The following ABCB5 variants were observed in gnomAD, a reference collection of about 807,000 sequenced individuals.
The protein encoded by ABCB5 is ATP binding cassette subfamily B member 5.
In ABCB5, 155 loss-of-function variants were observed where a neutral mutation model predicts 144.2. The observed-to-expected ratio is 1.08, with a 90% CI of 0.94 to 1.23. The LOEUF is 1.23. Ranked by LOEUF, ABCB5 falls within the 50% of genes most tolerant of loss-of-function variation. The pLI is 0.00. For synonymous variants in ABCB5, 610 were observed against 528.6 expected (o/e 1.15, Z -2.11); for missense variants, 1,830 against 1,520.8 (o/e 1.20, Z -3.38).
intron 19 of ABCB5, 86 bp from the exon 20 acceptor site, chr7:20,704,638 T>A (rs1317335777): frequency 1.4e-5 from 14 of 993,780 alleles, no homozygotes; most frequent in Non-Finnish European, 2.1e-5. Flanking sequence ...GGCAGGTAAA[T>A]GTTTTCTGAT....
intron 26 of ABCB5, among the ~76,000 whole-genome samples, chr7:20,750,969 G>A (rs962974518): frequency 6.6e-6 from 1 of 152,096 alleles, no homozygotes; most frequent in African/African-American, 2.4e-5. Flanking sequence ...GTATCACCCA[G>A]TGGCAGCTCT....
Position 20,658,496 on chromosome 7 carries a change from T to C in ABCB5, c.1537-10T>C, listed in dbSNP as rs781041034. 6.8e-6 allele frequency: 11 copies of C among 1,611,256 alleles called. No individual in the cohort carries two copies. Among genetic ancestry groups the C allele is most frequent in the Non-Finnish European group, 9.3e-6 (11 of 1,178,682 alleles). On this transcript the variant is annotated splice_polypyrimidine_tract_variant and intron_variant, in intron 13 of 27. Transcript: ENST00000404938. ...TTCTGTTTCTGTGCTTCTTTCCTAT[T>C]TTTCATTAGAAATTTAATACATTGG...
chr7:20,734,968 G>A (rs1782339321), intron 23 of ABCB5, among the ~76,000 whole-genome samples: 1 of 152,152 alleles, frequency 6.6e-6, no homozygotes, highest in South Asian at 2.1e-4. Flanking sequence ...CTTTCGGCTG[G>A]TTTCCAGCTG....
At chr7:20,747,042 C>G (rs766950857) in intron 26 of ABCB5, among the ~76,000 whole-genome samples, 8 of 152,160 alleles carry the variant, frequency 5.3e-5, no homozygotes, top group Non-Finnish European at 1.0e-4. Context: ...CATGTACAAA[C>G]AGGATTTCCC....
chr7:20,657,291 G>C (rs1016588675), intron 13 of ABCB5, among the ~76,000 whole-genome samples: 1 of 151,414 alleles, frequency 6.6e-6, no homozygotes, highest in Non-Finnish European at 1.5e-5. Context: ...TAATTTTTTA[G>C]CAATATTGCA....
At chr7:20,738,847 TG>T in intron 23 of ABCB5, 135 bp from the exon 24 acceptor site, 1 of 882,150 alleles carries the variant, frequency 1.1e-6, no homozygotes, top group Non-Finnish European at 1.6e-6. Context: ...GATAACTTGG[TG>T]GGTCTTCAGC....
chr7:20,645,772 C>G lies in ABCB5; in HGVS notation c.695C>G (p.Thr232Ser), dbSNP rs1784389833. Residue 232 changes from threonine (T) to serine (S), a missense_variant, in exon 8 of 28, where the codon ACC becomes AGC. By Grantham distance (58) the Thr-to-Ser change is moderately conservative. Coordinates refer to ENST00000404938, the MANE Select transcript of ABCB5 (RefSeq NM_001163941.2). ...AACSRMVISL[T>S]SKELSAYSKA... ...TTATTACAGATGGTCATCTCATTGA[C>G]CAGTAAGGAATTAAGTGCCTATTCC... 1 of 1,613,724 alleles carries G rather than the reference C, an allele frequency of 6.2e-7. No homozygotes were observed. The highest frequency in any genetic ancestry group is 1.1e-5 in the South Asian group (1 of 91,066).
chr7:20,723,704 T>C (rs1334999404), intron 21 of ABCB5, among the ~76,000 whole-genome samples: 2 of 152,358 alleles, frequency 1.3e-5, no homozygotes, highest in African/African-American at 4.8e-5. Flanking sequence ...AACATCATCA[T>C]TCCCCATTTT....
intron 21 of ABCB5, among the ~76,000 whole-genome samples, chr7:20,723,969 G>T (rs1206662108): frequency 6.6e-6 from 1 of 152,082 alleles, no homozygotes; most frequent in African/African-American, 2.4e-5. Context: ...GAGACTGAAG[G>T]AAACATTATG....
intron 5 of ABCB5, chr7:20,641,629 C>T (rs1307950225): frequency 6.5e-6 from 1 of 153,622 alleles, no homozygotes; most frequent in Admixed American, 6.5e-5. Flanking sequence ...GAGACTGTGA[C>T]TGATTAGATC....
chr7:20,629,145 C>CGTGTGTGTGTGTGTGT (rs149986314), intron 4 of ABCB5, among the ~76,000 whole-genome samples: 1,839 of 135,116 alleles, frequency 0.014, 56 homozygotes, highest in South Asian at 0.033. Flanking sequence ...AGAGAGACTG[C>CGTGTGTGTGTGTGTGT]GTGTGTGTGT....
chr7:20,701,037 G>A (rs1189568100), intron 19 of ABCB5, among the ~76,000 whole-genome samples: 1 of 152,130 alleles, frequency 6.6e-6, no homozygotes, highest in Admixed American at 6.5e-5. Flanking sequence ...GAAGCAAGTC[G>A]GAGGTTTCCC....
At chr7:20,751,066 G>A (rs1782911004) in intron 26 of ABCB5, among the ~76,000 whole-genome samples, 1 of 152,142 alleles carries the variant, frequency 6.6e-6, no homozygotes, top group African/African-American at 2.4e-5. Flanking sequence ...TCTCCAGAAT[G>A]CAGTTGCTTT....
intron 2 of ABCB5, 143 bp downstream of exon 2, chr7:20,623,481 G>C: frequency 1.4e-6 from 1 of 690,986 alleles, no homozygotes; most frequent in Non-Finnish European, 2.6e-6. Flanking sequence ...AACATAAGCA[G>C]TCTTATAATT....
chr7:20,673,123 T>A (rs954117771), intron 14 of ABCB5, among the ~76,000 whole-genome samples: 4 of 152,142 alleles, frequency 2.6e-5, no homozygotes, highest in African/African-American at 9.7e-5. Context: ...TGCATTACGG[T>A]CAGGGAGTAT....
At chr7:20,734,079 C>CAATATCTATTGACA (rs1323738379) in intron 23 of ABCB5, among the ~76,000 whole-genome samples, 4 of 152,130 alleles carry the variant, frequency 2.6e-5, no homozygotes, top group Admixed American at 2.6e-4. Context: ...CAACATAGCA[C>CAATATCTATTGACA]TATGCATAAT....
chr7:20,725,051 T>A (rs1185423433), intron 21 of ABCB5, among the ~76,000 whole-genome samples: 1 of 152,250 alleles, frequency 6.6e-6, no homozygotes, highest in East Asian at 1.9e-4. Context: ...TTATTTTTTA[T>A]GTCATGAGCT....
At chr7:20,691,532 C>G (rs1583429247) in intron 16 of ABCB5, among the ~76,000 whole-genome samples, 1 of 151,576 alleles carries the variant, frequency 6.6e-6, no homozygotes, top group African/African-American at 2.4e-5. Flanking sequence ...CACACAGGGC[C>G]AGGAAAAGTT....
intron 20 of ABCB5, 119 bp downstream of exon 20, chr7:20,704,926 C>G: frequency 1.6e-6 from 1 of 638,700 alleles, no homozygotes; most frequent in Non-Finnish European, 2.5e-6. Context: ...ATTAATGAGG[C>G]CAGGTAAGTC....
Sources: allele counts gnomAD v4.1 joint callset (sites outside exome capture counted in the v4.1 genomes callset), GRCh38; gene constraint gnomAD v4.1.1; transcripts MANE v1.5; gene names NCBI Gene and HGNC (gene_info 2026-07-23, HGNC 2026-07-21).